Variants in NCKAP5 observed in about 807,000 individuals in gnomAD.
NCKAP5 encodes NCK associated protein 5.
In NCKAP5, 92 loss-of-function variants were observed where a neutral mutation model predicts 167.0. That is an observed-to-expected ratio of 0.55 (90% CI 0.47 to 0.66). The LOEUF (loss-of-function observed/expected upper bound fraction) is 0.66. Among genes scored for constraint, NCKAP5 ranks in the 30% least tolerant of loss-of-function variants. The pLI, the probability that NCKAP5 is intolerant of heterozygous loss-of-function variation, is 0.00. For synonymous variants in NCKAP5, 891 were observed against 877.4 expected (o/e 1.02, Z -0.27); for missense variants, 2,378 against 2,315.0 (o/e 1.03, Z -0.56).
intron 6 of NCKAP5, among the ~76,000 whole-genome samples, chr2:133,045,172 C>T (rs1420486661): frequency 2.0e-5 from 3 of 151,892 alleles, no homozygotes; most frequent in Non-Finnish European, 4.4e-5. Context: ...TGATAAACAA[C>T]TGAAGATTAT....
intron 2 of NCKAP5, among the ~76,000 whole-genome samples, chr2:133,526,232 GA>G (rs1480378869): frequency 9.6e-4 from 98 of 102,100 alleles, no homozygotes; most frequent in East Asian, 3.0e-3. Flanking sequence ...AGGAAGAAAG[GA>G]AAGGAGGGAG....
At chr2:133,453,474 T>C (rs1362731382) in intron 3 of NCKAP5, among the ~76,000 whole-genome samples, 1 of 152,088 alleles carries the variant, frequency 6.6e-6, no homozygotes, top group Admixed American at 6.6e-5. Context: ...ACATTAGTAA[T>C]AGAGGTGGAC....
chr2:133,587,586 A>G, the NCKAP5 span, among the ~76,000 whole-genome samples: 1 of 152,206 alleles, frequency 6.6e-6, no homozygotes, highest in Non-Finnish European at 1.5e-5. Flanking sequence ...AGCAAGAGAG[A>G]GCCAGCCAGT....
chr2:133,045,035 C>T (rs541387356), intron 6 of NCKAP5, among the ~76,000 whole-genome samples: 4 of 101,576 alleles, frequency 3.9e-5, no homozygotes, highest in African/African-American at 1.5e-4. Flanking sequence ...GCCTGGGAAA[C>T]AAAGCAAGGC....
intron 2 of NCKAP5, among the ~76,000 whole-genome samples, chr2:133,537,446 C>A (rs1260781906): frequency 6.6e-6 from 1 of 152,016 alleles, no homozygotes; most frequent in Non-Finnish European, 1.5e-5. Flanking sequence ...TGATGTCTTT[C>A]CATTTATTCA....
chr2:133,144,172 C>A (rs2083101616), intron 5 of NCKAP5, among the ~76,000 whole-genome samples: 1 of 152,018 alleles, frequency 6.6e-6, no homozygotes, highest in African/African-American at 2.4e-5. Flanking sequence ...TTATCTAGAG[C>A]AGGGGTTGGC....
chr2:133,293,053 G>C (rs917014956), intron 4 of NCKAP5, among the ~76,000 whole-genome samples: 17 of 152,030 alleles, frequency 1.1e-4, no homozygotes, highest in African/African-American at 3.9e-4. Context: ...ACCTCCTCTG[G>C]GAAGCCTTCT....
intron 11 of NCKAP5, among the ~76,000 whole-genome samples, chr2:132,810,062 C>T (rs967152668): frequency 2.6e-5 from 4 of 152,170 alleles, no homozygotes; most frequent in Non-Finnish European, 5.9e-5. Flanking sequence ...TCACTGTATA[C>T]AAAATTCTTG....
rs555714912 is a variant in NCKAP5 at position 132,782,369 on chromosome 2, T to G, written c.4442A>C (p.Gln1481Pro). The G allele has an allele frequency of 3.7e-6, 6 of 1,613,934 alleles. No homozygotes were observed. Among genetic ancestry groups the G allele is most frequent in the Non-Finnish European group, 5.1e-6 (6 of 1,179,914 alleles). ...TIEEKVMLCI[Q>P]ENVEKGQVQT... is the part of the protein sequence containing the mutation. ...CACTTGGCCCTTTTCCACATTTTCCTGAATGCACAACATGACCTTTTCTTC... is the reference window on the plus strand; with the variant it reads ...CACTTGGCCCTTTTCCACATTTTCCGGAATGCACAACATGACCTTTTCTTC... Residue 1481 changes from glutamine to proline, a missense_variant, in exon 14 of 20, where the codon CAG becomes CCG. Gln to Pro is a moderately conservative substitution (Grantham distance 76). Around this residue, in one of 3 missense-constraint regions of NCKAP5, gnomAD observed 1,325 missense variants for 1,274.5 expected, o/e 1.04. Transcript: ENST00000409261.
rs1289698326 is a variant in NCKAP5 at position 133,303,045 on chromosome 2, A to T, written c.135T>A (p.Ser45Arg). ...LLTQLEEQHR[S>R]LWREKLAVAR... ...ACATGAATTGAACTCACCTCCAGAG[A>T]CTCCTGTGTTGCTCCTCAAGCTGAG... The change falls in exon 4 of 20, where the codon AGT (serine) becomes AGA (arginine). Residue 45 changes from serine (S) to arginine (R), a missense_variant. Ser to Arg is a moderately radical substitution (Grantham distance 110). Transcript: ENST00000409261. 1 of 1,599,730 alleles carries T rather than the reference A, an allele frequency of 6.3e-7. No homozygotes were observed. Among genetic ancestry groups the T allele is most frequent in the African/African-American group, 1.3e-5 (1 of 74,832 alleles).
At position 133,430,745 on chromosome 2, in the gene NCKAP5, C is replaced by A. The variant is rs980728010; in HGVS notation, c.69+86713G>T. ...ATTGGTCTATATGTCTATTTTTGTA[C>A]CAGCACCAACTGTGTATGTGCATGG... On this transcript the variant is annotated intron_variant, in intron 3 of 19. Coordinates refer to ENST00000409261, the MANE Select transcript of NCKAP5 (RefSeq NM_207363.3). Among the ~76,000 whole-genome samples the A allele has an allele frequency of 3.3e-5, 5 of 151,936 alleles. No homozygotes were observed. In the East Asian group the frequency reaches 7.7e-4, roughly 24 times the overall value.
intron 4 of NCKAP5, among the ~76,000 whole-genome samples, chr2:133,226,604 AACACACACACACAC>A (rs3051222): frequency 5.7e-5 from 8 of 139,180 alleles, no homozygotes; most frequent in Non-Finnish European, 1.1e-4. Context: ...TTTGAAGATA[AACACACACACACAC>A]ACACACACAC....
At chr2:132,746,531 A>C (rs973416758) in intron 16 of NCKAP5, among the ~76,000 whole-genome samples, 2 of 152,136 alleles carry the variant, frequency 1.3e-5, no homozygotes, top group Non-Finnish European at 2.9e-5. Context: ...AAGCATGATA[A>C]ATTAGATTTA....
chr2:132,689,315 G>GTAAGA (rs1686417984), intron 19 of NCKAP5, among the ~76,000 whole-genome samples: 1 of 152,194 alleles, frequency 6.6e-6, no homozygotes, highest in South Asian at 2.1e-4. Context: ...GTACTCACTA[G>GTAAGA]TAAGAGTAAC....
intron 4 of NCKAP5, among the ~76,000 whole-genome samples, chr2:133,281,831 C>A (rs2089946923): frequency 6.6e-6 from 1 of 152,130 alleles, no homozygotes; most frequent in Admixed American, 6.5e-5. Flanking sequence ...CATTTTATGA[C>A]CCCAGCTTTA....
intron 8 of NCKAP5, among the ~76,000 whole-genome samples, chr2:132,933,174 T>C (rs554692884): frequency 6.6e-5 from 10 of 151,866 alleles, no homozygotes; most frequent in East Asian, 3.9e-4. Context: ...ATCTGCCCGC[T>C]GCGGCCTCCC....
At chr2:133,400,728 A>AAACT (rs1688043248) in intron 3 of NCKAP5, among the ~76,000 whole-genome samples, 1 of 152,232 alleles carries the variant, frequency 6.6e-6, no homozygotes, top group African/African-American at 2.4e-5. Context: ...CAGCTCTGGG[A>AAACT]AACTAATACA....
intron 19 of NCKAP5, among the ~76,000 whole-genome samples, chr2:132,697,646 T>G (rs376071855): frequency 6.6e-6 from 1 of 151,992 alleles, no homozygotes; most frequent in South Asian, 2.1e-4. Context: ...GCTAAGTGTA[T>G]GTACACGATG....
At chr2:133,432,181 T>C (rs1690202242) in intron 3 of NCKAP5, among the ~76,000 whole-genome samples, 1 of 152,132 alleles carries the variant, frequency 6.6e-6, no homozygotes, top group South Asian at 2.1e-4. Flanking sequence ...ACAATAGAAC[T>C]GCAGGACTCA....
Sources: allele counts gnomAD v4.1 joint callset (sites outside exome capture counted in the v4.1 genomes callset), GRCh38; gene constraint gnomAD v4.1.1; regional missense constraint gnomAD v4.1.1; transcripts MANE v1.5; gene names NCBI Gene and HGNC (gene_info 2026-07-23, HGNC 2026-07-21).